Variants in SMG6 observed in about 807,000 individuals in gnomAD.
SMG6 encodes the protein SMG6 nonsense mediated mRNA decay factor.
SMG6 carries 66 observed loss-of-function variants against 142.2 expected under a neutral mutation model. The observed-to-expected ratio is 0.46, with a 90% CI of 0.38 to 0.57. The LOEUF is 0.57. Among genes scored for constraint, SMG6 ranks in the 20% least tolerant of loss-of-function variants. SMG6 has a pLI of 0.00. For missense variants in SMG6, 1,793 were observed against 1,832.0 expected, an observed-to-expected ratio of 0.98 and a Z score of 0.39; for synonymous variants, 779 against 702.4, an observed-to-expected ratio of 1.11 and a Z score of -1.72.
intron 10 of SMG6, among the ~76,000 whole-genome samples, chr17:2,189,218 C>T (rs896510960): frequency 2.0e-5 from 3 of 152,230 alleles, no homozygotes; most frequent in African/African-American, 7.2e-5. Flanking sequence ...GTACCCTCTT[C>T]CCGTCACTTT....
chr17:2,092,980 C>A (rs1277588235), intron 13 of SMG6, among the ~76,000 whole-genome samples: 1 of 152,006 alleles, frequency 6.6e-6, no homozygotes, highest in Non-Finnish European at 1.5e-5. Context: ...GGATCACCTG[C>A]GGTCAGGAGT....
chr17:2,130,360 G>A (rs369309801), intron 13 of SMG6, among the ~76,000 whole-genome samples: 5 of 151,152 alleles, frequency 3.3e-5, no homozygotes, highest in East Asian at 1.9e-4. Context: ...AAATCTGTGC[G>A]AGGGTTTTAT....
intron 15 of SMG6, among the ~76,000 whole-genome samples, chr17:2,075,244 C>T (rs375507821): frequency 7.7e-5 from 10 of 130,096 alleles, no homozygotes; most frequent in South Asian, 2.4e-4. Flanking sequence ...TATGAATGGA[C>T]GGCAGCTAAA....
chr17:2,087,219 C>T, intron 13 of SMG6: 1 of 1,290,224 alleles, frequency 7.8e-7, no homozygotes, highest in Admixed American at 2.3e-5. Context: ...ACACAGTAGG[C>T]TCACAGTAAA....
chr17:2,248,877 G>C (rs973174583), intron 8 of SMG6, among the ~76,000 whole-genome samples: 8 of 148,764 alleles, frequency 5.4e-5, no homozygotes, highest in African/African-American at 1.9e-4. Context: ...CACTGAGACA[G>C]ATACTTTGGA....
At position 2,105,228 on chromosome 17, in the gene SMG6, A is replaced by G. The variant is rs377702282; in HGVS notation, c.3358-19327T>C. Among the ~76,000 whole-genome samples, 277 of 149,988 alleles carry G rather than the reference A, an allele frequency of 1.8e-3. 10 individuals carry two copies. In the South Asian group the frequency reaches 0.057, roughly 31 times the overall value. On this transcript the variant is annotated intron_variant, in intron 13 of 18. Coordinates refer to ENST00000263073, the MANE Select transcript of SMG6 (RefSeq NM_017575.5). Reference sequence around the variant, plus strand: ...AGGCGTGAGCCACTGCACTCAGCCTACTTCAAGTCTTTCTCACTTAAAAAA... The same window carrying G: ...AGGCGTGAGCCACTGCACTCAGCCTGCTTCAAGTCTTTCTCACTTAAAAAA...
intron 13 of SMG6, among the ~76,000 whole-genome samples, chr17:2,160,569 C>T (rs1486026593): frequency 1.3e-5 from 2 of 152,106 alleles, no homozygotes; most frequent in African/African-American, 4.8e-5. Context: ...GTGGCTCATG[C>T]CTGTAATTCC....
In SMG6 at chr17:2,071,090, G is replaced by A. The variant is rs12949014; in HGVS notation, c.3682-2159C>T. Among the ~76,000 whole-genome samples the A allele has an allele frequency of 0.1, 15,570 of 152,228 alleles. 1,086 individuals carry two copies. Among genetic ancestry groups the A allele is most frequent in the Middle Eastern group, 0.15 (43 of 294 alleles). On this transcript the variant is annotated intron_variant, in intron 15 of 18. Coordinates refer to ENST00000263073, the MANE Select transcript of SMG6 (RefSeq NM_017575.5). The surrounding 1 kb of genome is among the most constrained non-coding windows in gnomAD (Gnocchi z 5.6). ...GGGTGAGCAGGGACAGAACAAGCAT[G>A]GCTTAGGGAGACGTGGGAGCAGTGG... is the stretch of plus-strand genomic sequence containing the variant.
chr17:2,109,895 C>A (rs1257798368), intron 13 of SMG6, among the ~76,000 whole-genome samples: 1 of 151,878 alleles, frequency 6.6e-6, no homozygotes, highest in African/African-American at 2.4e-5. Flanking sequence ...AGTTCAAGAC[C>A]AACATGGCAA....
At chr17:2,089,641 C>T (rs1264835132) in intron 13 of SMG6, 1 of 152,166 alleles carries the variant, frequency 6.6e-6, no homozygotes, top group Non-Finnish European at 1.5e-5. Flanking sequence ...CTCCAGTTAT[C>T]ACTCTAATCA....
At chr17:2,121,304 G>A (rs1048101552) in intron 13 of SMG6, among the ~76,000 whole-genome samples, 13 of 152,096 alleles carry the variant, frequency 8.5e-5, no homozygotes, top group Non-Finnish European at 1.2e-4. Context: ...ATACTACTCA[G>A]CAATAAAAAG....
At chr17:2,182,715 A>C (rs961042492) in intron 12 of SMG6, among the ~76,000 whole-genome samples, 1 of 152,114 alleles carries the variant, frequency 6.6e-6, no homozygotes, top group African/African-American at 2.4e-5. Flanking sequence ...CAGGGTCTCC[A>C]TAATCTATCC....
At chr17:2,160,133 C>A (rs905277228) in intron 13 of SMG6, among the ~76,000 whole-genome samples, 1 of 151,892 alleles carries the variant, frequency 6.6e-6, no homozygotes, top group Admixed American at 6.6e-5. Context: ...TATATATACA[C>A]CCATACATTC....
intron 10 of SMG6, among the ~76,000 whole-genome samples, chr17:2,216,948 A>C (rs1321164015): frequency 6.6e-6 from 1 of 152,240 alleles, no homozygotes; most frequent in East Asian, 1.9e-4. Flanking sequence ...TCAAAACCTA[A>C]GTTGCTTCTT....
intron 13 of SMG6, among the ~76,000 whole-genome samples, chr17:2,161,422 T>A (rs1030259610): frequency 6.6e-6 from 1 of 151,856 alleles, no homozygotes; most frequent in African/African-American, 2.4e-5. Flanking sequence ...ATTTATTTTT[T>A]TTTTTGAGAC....
At chr17:2,282,390 C>CAAAAA (rs576759563) in intron 8 of SMG6, among the ~76,000 whole-genome samples, 6 of 84,514 alleles carry the variant, frequency 7.1e-5, no homozygotes, top group African/African-American at 2.6e-4. Flanking sequence ...CAAAAAGCAG[C>CAAAAA]AAAAAAAAAA....
At chr17:2,196,644 TAA>T (rs1344833864) in intron 10 of SMG6, among the ~76,000 whole-genome samples, 1 of 152,202 alleles carries the variant, frequency 6.6e-6, no homozygotes, top group Non-Finnish European at 1.5e-5. Context: ...AAGCTTATTC[TAA>T]AGCTTATCTG....
intron 13 of SMG6, among the ~76,000 whole-genome samples, chr17:2,139,655 A>C (rs537781485): frequency 6.6e-6 from 1 of 152,072 alleles, no homozygotes; most frequent in South Asian, 2.1e-4. Flanking sequence ...TCCTGACCGC[A>C]AGTGATCTGT....
intron 8 of SMG6, among the ~76,000 whole-genome samples, chr17:2,259,820 A>G (rs114657477): frequency 1.2e-3 from 185 of 152,296 alleles, no homozygotes; most frequent in African/African-American, 4.4e-3. Context: ...TCTCTCAGGA[A>G]AGGGAGGAGC....
Sources: gnomAD v4.1 joint callset for allele counts (sites outside exome capture counted in the v4.1 genomes callset) on GRCh38, gnomAD v4.1.1 for gene constraint, Gnocchi (gnomAD v3.1) non-coding constraint, MANE v1.5 for transcripts, NCBI Gene and HGNC (gene_info 2026-07-23, HGNC 2026-07-21) for gene names.